The following UNC13C variants were observed in gnomAD, a reference collection of about 807,000 sequenced individuals.
UNC13C encodes unc-13 homolog C, also known as protein unc-13 homolog C.
A neutral mutation model predicts 245.4 loss-of-function variants in UNC13C; 174 were observed. That is an observed-to-expected ratio of 0.71 (90% CI 0.63 to 0.80). The LOEUF is 0.80. Among genes scored for constraint, UNC13C ranks in the 30% least tolerant of loss-of-function variants. The pLI is 0.00. For missense variants in UNC13C, 2,829 were observed against 2,602.9 expected (o/e 1.09, Z -1.89); for synonymous variants, 992 against 895.1 (o/e 1.11, Z -1.93).
At chr15:54,341,477 C>T (rs1022246673) in intron 17 of UNC13C, among the ~76,000 whole-genome samples, 1 of 152,142 alleles carries the variant, frequency 6.6e-6, no homozygotes. Flanking sequence ...GTCCTATGTT[C>T]AGTACCTGGG....
chr15:54,392,053 A>C (rs931594415), intron 17 of UNC13C, among the ~76,000 whole-genome samples: 2 of 152,078 alleles, frequency 1.3e-5, no homozygotes, highest in Non-Finnish European at 2.9e-5. Flanking sequence ...CCATAAGTTG[A>C]TGTTTTCAAA....
rs193277297 is a variant in UNC13C, at chr15:54,448,455, C to T, written c.4933+33388C>T. Among the ~76,000 whole-genome samples the T allele has an allele frequency of 5.0e-3, 768 of 152,292 alleles. 5 individuals carry two copies. The highest frequency in any genetic ancestry group is 0.017 in the African/African-American group (717 of 41,556). ...AGGACTTCCTTTATGAATCTGGGTG[C>T]TCCTGTATTGGGTGCATATATATTT... On this transcript the variant is annotated intron_variant, in intron 19 of 32. Transcript: ENST00000260323.
chr15:54,080,001 G>C (rs1331789306), intron 2 of UNC13C, among the ~76,000 whole-genome samples: 17 of 51,412 alleles, frequency 3.3e-4, no homozygotes, highest in African/African-American at 5.9e-4. Flanking sequence ...CTGGTTTGTC[G>C]AGCGGTTTTT....
chr15:54,330,723 A>T (rs1413437095), intron 14 of UNC13C, among the ~76,000 whole-genome samples: 1 of 152,082 alleles, frequency 6.6e-6, no homozygotes, highest in African/African-American at 2.4e-5. Context: ...TGGAGAGTTA[A>T]GAAAGGACTG....
chr15:54,193,518 C>A (rs892005543), intron 4 of UNC13C, among the ~76,000 whole-genome samples: 1 of 152,132 alleles, frequency 6.6e-6, no homozygotes, highest in Admixed American at 6.6e-5. Flanking sequence ...AAGCTTCCAT[C>A]TCTGTTGAGC....
chr15:54,460,072 T>G (rs954497418), intron 19 of UNC13C, among the ~76,000 whole-genome samples: 1 of 152,174 alleles, frequency 6.6e-6, no homozygotes, highest in Non-Finnish European at 1.5e-5. Flanking sequence ...GTTCAGATTA[T>G]TTTTTCCCAT....
intron 30 of UNC13C, among the ~76,000 whole-genome samples, chr15:54,581,180 T>C (rs530102469): frequency 1.3e-5 from 2 of 152,030 alleles, no homozygotes; most frequent in African/African-American, 4.8e-5. Context: ...TCGGGGAAGA[T>C]GTATGGTTCA....
chr15:54,069,139 A>T (rs1898204090), intron 2 of UNC13C, among the ~76,000 whole-genome samples: 1 of 152,204 alleles, frequency 6.6e-6, no homozygotes. Context: ...ATCTTGTCTT[A>T]GTCTTATTCC....
chr15:54,168,761 G>T (rs1366304710), intron 4 of UNC13C, among the ~76,000 whole-genome samples: 1 of 152,060 alleles, frequency 6.6e-6, no homozygotes, highest in African/African-American at 2.4e-5. Context: ...GGAAATAAAA[G>T]TAGAAAAAAT....
intron 2 of UNC13C, among the ~76,000 whole-genome samples, chr15:54,069,978 G>A (rs183118035): frequency 6.6e-6 from 1 of 152,322 alleles, no homozygotes; most frequent in Non-Finnish European, 1.5e-5. Context: ...AATAAGTTGA[G>A]TATTGTTAAC....
intron 13 of UNC13C, among the ~76,000 whole-genome samples, chr15:54,302,191 C>T (rs1438702301): frequency 6.6e-6 from 1 of 152,070 alleles, no homozygotes; most frequent in East Asian, 1.9e-4. Flanking sequence ...TCGATATTAG[C>T]CCTTTGTCAA....
At chr15:54,499,014 C>G (rs1894081509) in intron 20 of UNC13C, among the ~76,000 whole-genome samples, 1 of 152,058 alleles carries the variant, frequency 6.6e-6, no homozygotes, top group Non-Finnish European at 1.5e-5. Flanking sequence ...ATGCATTTCT[C>G]AGTCCTTTCT....
At position 54,533,071 on chromosome 15, in the gene UNC13C, GT is replaced by G. The variant is rs752706186; in HGVS notation, c.5696+12del. On this transcript the variant is annotated splice_donor_region_variant and intron_variant, in intron 26 of 32. Transcript: ENST00000260323. Reference sequence around the variant, plus strand: ...TATGGATTTTTTGGACAAAACGTAAGTTTTTTTGCCCAGTTTTCTCTTTACT... The same window carrying G: ...TATGGATTTTTTGGACAAAACGTAAGTTTTTTGCCCAGTTTTCTCTTTACT... 3.0e-5 allele frequency: 47 copies of G among 1,581,944 alleles called. No individual in the cohort carries two copies. The highest frequency in any genetic ancestry group is 1.6e-4 in the African/African-American group (12 of 74,146).
At chr15:54,098,298 C>T (rs1899983024) in intron 2 of UNC13C, among the ~76,000 whole-genome samples, 1 of 152,178 alleles carries the variant, frequency 6.6e-6, no homozygotes, top group Admixed American at 6.5e-5. Flanking sequence ...CCTCAGTCTC[C>T]TGAGTAGCTG....
Position 54,270,507 on chromosome 15 carries a change from TA to T in UNC13C, c.3818+5016del, listed in dbSNP as rs1392917622. On this transcript the variant is annotated intron_variant, in intron 10 of 32. Coordinates refer to ENST00000260323, the MANE Select transcript of UNC13C (RefSeq NM_001080534.3). ...GAATTTCATAGAACTTGTTAAGTGT[TA>T]AAAATGATAGCTGTATTATTATTAG... Among the ~76,000 whole-genome samples, 3 of 152,274 alleles carry T rather than the reference TA, an allele frequency of 2.0e-5. No homozygotes were observed. The East Asian group carries it at 5.8e-4, about 29-fold the overall frequency.
chr15:54,311,377 T>G (rs1596195706), intron 13 of UNC13C, among the ~76,000 whole-genome samples: 4 of 151,798 alleles, frequency 2.6e-5, no homozygotes, highest in Admixed American at 6.6e-5. Flanking sequence ...ATATTTAAAT[T>G]TTTGACATAT....
At position 54,113,053 on chromosome 15, in the gene UNC13C, T is replaced by G. The variant is rs1370548248; in HGVS notation, c.2984-29965T>G. 2.6e-5 allele frequency among the ~76,000 whole-genome samples: 4 copies of G among 151,878 alleles called. 1 individual carries two copies. Among genetic ancestry groups the G allele is most frequent in the Non-Finnish European group, 5.9e-5 (4 of 67,974 alleles). On this transcript the variant is annotated intron_variant, in intron 2 of 32. Coordinates refer to ENST00000260323, the MANE Select transcript of UNC13C (RefSeq NM_001080534.3). ...TATGCAGATGTATCTTGATAAATTG[T>G]GTCATATTTTACTCTTTATCATGTT... is the stretch of plus-strand genomic sequence containing the variant.
chr15:54,231,591 G>A (rs1302968242), intron 4 of UNC13C, among the ~76,000 whole-genome samples: 2 of 151,974 alleles, frequency 1.3e-5, no homozygotes, highest in Non-Finnish European at 1.5e-5. Context: ...TAAGTAAAGT[G>A]CTTAGAATAA....
At chr15:54,399,488 A>C (rs2040137545) in intron 18 of UNC13C, among the ~76,000 whole-genome samples, 1 of 151,964 alleles carries the variant, frequency 6.6e-6, no homozygotes, top group South Asian at 2.1e-4. Context: ...CATAAGCAGA[A>C]ATATCTTTCA....
Sources: allele counts gnomAD v4.1 joint callset (sites outside exome capture counted in the v4.1 genomes callset), GRCh38; gene constraint gnomAD v4.1.1; transcripts MANE v1.5; gene names NCBI Gene and HGNC (gene_info 2026-07-23, HGNC 2026-07-21).